Variants in ATM observed in about 807,000 individuals in gnomAD.
ATM encodes the protein ATM serine/threonine kinase.
In ATM, 308 loss-of-function variants were observed where a neutral mutation model predicts 387.0. The ratio of observed to expected loss-of-function variants is 0.80; its 90% CI spans 0.73 to 0.87. The LOEUF is 0.87. Ranked by LOEUF, ATM falls within the 40% of genes least tolerant of loss-of-function variation. The pLI is 0.00. For synonymous variants in ATM, 1,156 were observed against 1,187.3 expected (o/e 0.97, Z 0.54); for missense variants, 3,312 against 3,560.9 (o/e 0.93, Z 1.78).
chr11:108,363,212 T>A (rs227093), intron 61 of ATM, among the ~76,000 whole-genome samples: 74,845 of 151,930 alleles, frequency 0.49, 20,030 homozygotes, highest in Middle Eastern at 0.72. Flanking sequence ...GGGACATCAT[T>A]TCTTTCCTCT....
chr11:108,266,587 T>A (rs2081257310), intron 16 of ATM, among the ~76,000 whole-genome samples: 1 of 151,676 alleles, frequency 6.6e-6, no homozygotes, highest in African/African-American at 2.4e-5. Flanking sequence ...TATACATATG[T>A]AACTAACCTG....
At chr11:108,335,156 A>C (rs757801987) in intron 55 of ATM, 47 bp downstream of exon 55, 2 of 1,612,618 alleles carry the variant, frequency 1.2e-6, no homozygotes, top group Non-Finnish European at 1.7e-6. Flanking sequence ...TTAGTGATGA[A>C]AATTTTTAGT....
chr11:108,327,802 A>G, intron 48 of ATM, 44 bp downstream of exon 48: 1 of 1,337,822 alleles, frequency 7.5e-7, no homozygotes, highest in Non-Finnish European at 1.1e-6. Context: ...CTTAGCATGA[A>G]TATGCTTCAT....
chr11:108,368,098 G>A lies in ATM; in HGVS notation c.*2590G>A, dbSNP rs2091425875. ...TTGCATGGTATGCTATGAGGCTCCT[G>A]TTCTGTTCAAGTATTCTAATCAATG... On this transcript the variant is annotated 3_prime_UTR_variant, in exon 63 of 63. Transcript: ENST00000675843. 1 of 207,874 alleles carries A rather than the reference G, an allele frequency of 4.8e-6. No homozygotes were observed. Among genetic ancestry groups the A allele is most frequent in the Non-Finnish European group, 9.8e-6 (1 of 102,196 alleles). 12.9% of individuals were successfully genotyped at this position (207,874 alleles called of 1,614,324 possible). A position where few individuals can be genotyped will look rare whatever the true frequency, so the allele number is the denominator to read the frequency against.
Position 108,268,437 on chromosome 11 carries a change from A to T in ATM, c.2666A>T (p.Tyr889Phe). ...GCCATTAATCCTTTAGCTGAAGAAT[A>T]TCTGTCAAAGCAAGATCTACTTTTC... is the stretch of plus-strand genomic sequence containing the variant. ...IGAINPLAEE[Y>F]LSKQDLLFLD... Residue 889 changes from tyrosine to phenylalanine, a missense_variant, in exon 18 of 63, where the codon TAT becomes TTT. This residue lies in a region of ATM where 1,791 missense variants were observed against 1,804.5 expected (regional missense o/e 0.99). Transcript: ENST00000675843. 6.2e-7 allele frequency: 1 copy of T among 1,613,944 alleles called. No homozygotes were observed. The highest frequency in any genetic ancestry group is 8.5e-7 in the Non-Finnish European group (1 of 1,179,978).
intron 45 of ATM, among the ~76,000 whole-genome samples, chr11:108,323,956 GCTCA>G (rs1471838826): frequency 1.3e-5 from 2 of 152,100 alleles, no homozygotes; most frequent in Non-Finnish European, 2.9e-5. Flanking sequence ...ACAGTGCCAT[GCTCA>G]CTAAGTTTTG....
Position 108,299,836 on chromosome 11 carries a change from T to C in ATM, c.5128T>C (p.Trp1710Arg), listed in dbSNP as rs1273199575. The C allele has an allele frequency of 6.2e-7, 1 of 1,613,848 alleles. No individual in the cohort carries two copies. The highest frequency in any genetic ancestry group is 8.5e-7 in the Non-Finnish European group (1 of 1,179,932). The change falls in exon 34 of 63, where the codon TGG becomes CGG. Residue 1710 changes from tryptophan to arginine, a missense_variant. Transcript: ENST00000675843. ...LKLFEDKELQWTFIMLTYLNN... is the reference protein window; with the variant it reads ...LKLFEDKELQRTFIMLTYLNN... ...GTTATTTGAAGATAAAGAACTTCAG[T>C]GGACCTTCATAATGCTGACCTACCT...
Position 108,287,655 on chromosome 11 carries a change from C to T in ATM, c.4049C>T (p.Thr1350Met), listed in dbSNP as rs587781785. Residue 1350 changes from threonine (T) to methionine (M), a missense_variant, in exon 27 of 63, where the codon ACG becomes ATG. By Grantham distance (81) the Thr-to-Met change is moderately conservative. Around this residue, in one of 4 missense-constraint regions of ATM, gnomAD observed 1,791 missense variants for 1,804.5 expected, o/e 0.99. Transcript: ENST00000675843. ...LPEIVVELLM[T>M]LHEPANSSAS... ...GAGATTGTGGTGGAGTTATTGATGA[C>T]GTTACATGAGCCAGCAAATTCTAGT... 1.9e-5 allele frequency: 30 copies of T among 1,613,632 alleles called. No homozygotes were observed. Among genetic ancestry groups the T allele is most frequent in the East Asian group, 1.6e-4 (7 of 44,856 alleles).
intron 60 of ATM, 64 bp from the exon 61 acceptor site, chr11:108,354,747 A>G: frequency 7.4e-7 from 1 of 1,359,796 alleles, no homozygotes. Context: ...GAGTATACAG[A>G]TAAAGATACG....
At chr11:108,328,911 C>A in intron 48 of ATM, 110 bp from the exon 49 acceptor site, 1 of 1,177,804 alleles carries the variant, frequency 8.5e-7, no homozygotes, top group South Asian at 1.4e-5. Flanking sequence ...ATTTAGCTAG[C>A]TTTTATATGT....
intron 61 of ATM, among the ~76,000 whole-genome samples, chr11:108,363,681 C>T (rs2137802394): frequency 6.6e-6 from 1 of 152,316 alleles, no homozygotes; most frequent in African/African-American, 2.4e-5. Flanking sequence ...CTGAGAAACC[C>T]TGCTCTAGCT....
In ATM at chr11:108,367,271, G is replaced by C. The variant is rs781777385; in HGVS notation, c.*1763G>C. 1 of 180,434 alleles carries C rather than the reference G, an allele frequency of 5.5e-6. No homozygotes were observed. Among genetic ancestry groups the C allele is most frequent in the Non-Finnish European group, 1.2e-5 (1 of 84,318 alleles). 11.2% of individuals were successfully genotyped at this position (180,434 alleles called of 1,614,324 possible). A position where few individuals can be genotyped will look rare whatever the true frequency, so the allele number is the denominator to read the frequency against. ...CAAAGTGCTGGGATTACAGGTGTGAGCCACCGCGCCCGGCCTCATTCCCCT... is the reference window on the plus strand; with the variant it reads ...CAAAGTGCTGGGATTACAGGTGTGACCCACCGCGCCCGGCCTCATTCCCCT... On this transcript the variant is annotated 3_prime_UTR_variant, in exon 63 of 63. Transcript: ENST00000675843.
intron 61 of ATM, chr11:108,355,103 G>A (rs1271520955): frequency 1.9e-6 from 1 of 538,482 alleles, no homozygotes; most frequent in Non-Finnish European, 3.3e-6. Flanking sequence ...AGCATTGTAA[G>A]TAGTCTCTAG....
intron 57 of ATM, among the ~76,000 whole-genome samples, chr11:108,345,189 G>A (rs1475314414): frequency 6.6e-6 from 1 of 152,182 alleles, no homozygotes; most frequent in Non-Finnish European, 1.5e-5. Context: ...TGGGCAGCTT[G>A]AGAAGCACAT....
rs748192003 is a variant in ATM at position 108,353,766 on chromosome 11, G to C, written c.8672G>C (p.Gly2891Ala). The change falls in exon 60 of 63, where the codon GGT becomes GCT. Residue 2891 changes from glycine (G) to alanine (A), a missense_variant and splice_region_variant. Physicochemically the swap from Gly to Ala is moderately conservative, Grantham distance 60. This residue lies in a region of ATM where 1,405 missense variants were observed against 1,604.4 expected (regional missense o/e 0.88). Coordinates refer to ENST00000675843, the MANE Select transcript of ATM (RefSeq NM_000051.4). ...QSAELVHIDL[G>A]VAFEQGKILP... ...AACTTCACTGTATTCTTTACTTTAG[G>C]TGTTGCTTTTGAACAGGGCAAAATC... 1 of 1,599,628 alleles carries C rather than the reference G, an allele frequency of 6.3e-7. No homozygotes were observed. Among genetic ancestry groups the C allele is most frequent in the Non-Finnish European group, 8.6e-7 (1 of 1,166,920 alleles).
At chr11:108,266,822 C>G (rs2081276224) in intron 16 of ATM, among the ~76,000 whole-genome samples, 2 of 128,246 alleles carry the variant, frequency 1.6e-5, no homozygotes, top group Admixed American at 8.9e-5. Flanking sequence ...GAGACAGAGT[C>G]TCGCTTCGTC....
intron 1 of ATM, 169 bp downstream of exon 1, chr11:108,223,355 G>GTT (rs2078583036): frequency 6.5e-6 from 1 of 152,712 alleles, no homozygotes; most frequent in African/African-American, 2.4e-5. Context: ...GTGCTTAGCG[G>GTT]ACTTGGCCAA....
At chr11:108,337,298 G>T (rs1352164289) in intron 56 of ATM, among the ~76,000 whole-genome samples, 1 of 152,174 alleles carries the variant, frequency 6.6e-6, no homozygotes, top group Non-Finnish European at 1.5e-5. Flanking sequence ...GGAACCTTCT[G>T]CAATAATAAC....
intron 55 of ATM, among the ~76,000 whole-genome samples, chr11:108,335,551 G>A (rs1157413643): frequency 2.0e-5 from 3 of 152,192 alleles, no homozygotes; most frequent in Non-Finnish European, 4.4e-5. Context: ...CTACTGGGGA[G>A]TGGTGGAAAG....
Sources: allele counts gnomAD v4.1 joint callset (sites outside exome capture counted in the v4.1 genomes callset), GRCh38; gene constraint gnomAD v4.1.1; regional missense constraint gnomAD v4.1.1; transcripts MANE v1.5; gene names NCBI Gene and HGNC (gene_info 2026-07-23, HGNC 2026-07-21).